The following EPB41L3 variants were observed in gnomAD, a reference collection of about 807,000 sequenced individuals.
EPB41L3 encodes erythrocyte membrane protein band 4.1 like 3.
A neutral mutation model predicts 127.1 loss-of-function variants in EPB41L3; 57 were observed. That is an observed-to-expected ratio of 0.45 (90% CI 0.36 to 0.56). The LOEUF is 0.56. Among genes scored for constraint, EPB41L3 ranks in the 20% least tolerant of loss-of-function variants. The pLI is 0.00. For missense variants in EPB41L3, 1,273 were observed against 1,372.2 expected, an observed-to-expected ratio of 0.93 and a Z score of 1.14; for synonymous variants, 572 against 549.5, an observed-to-expected ratio of 1.04 and a Z score of -0.57.
intron 5 of EPB41L3, 57 bp from the exon 6 acceptor site, chr18:5,438,167 C>A (rs1229711787): frequency 4.6e-6 from 7 of 1,530,840 alleles, no homozygotes; most frequent in South Asian, 1.2e-5. Flanking sequence ...TGACTCTAAT[C>A]GATGGCCAGA....
upstream of EPB41L3, chr18:5,544,334 C>T: frequency 1.0e-6 from 1 of 985,348 alleles, no homozygotes; most frequent in Non-Finnish European, 1.2e-6. Context: ...CCCTCCCAGA[C>T]ATCCCCTGTG....
intron 3 of EPB41L3, among the ~76,000 whole-genome samples, chr18:5,592,229 T>C (rs2094492579): frequency 6.6e-6 from 1 of 152,180 alleles, no homozygotes; most frequent in South Asian, 2.1e-4. Flanking sequence ...TGCAGTGGCA[T>C]GATCTTGGCT....
chr18:5,604,400 G>T (rs1181053246), intron 3 of EPB41L3, among the ~76,000 whole-genome samples: 2 of 151,454 alleles, frequency 1.3e-5, no homozygotes, highest in African/African-American at 4.9e-5. Flanking sequence ...AAATTTCAGG[G>T]GTCTTTAAAA....
intron 20 of EPB41L3, 63 bp from the exon 21 acceptor site, chr18:5,395,210 A>AG (rs1293325231): frequency 3.5e-5 from 49 of 1,404,788 alleles, no homozygotes; most frequent in Non-Finnish European, 5.0e-5. Context: ...ATGGTTCAGT[A>AG]GGGGGAAATG....
At chr18:5,513,078 G>A (rs1445232318) in intron 1 of EPB41L3, among the ~76,000 whole-genome samples, 1 of 152,172 alleles carries the variant, frequency 6.6e-6, no homozygotes, top group Non-Finnish European at 1.5e-5. Flanking sequence ...AGCTGCAGTC[G>A]TTTGTCATTC....
chr18:5,622,286 T>C (rs1004202354), intron 1 of EPB41L3, among the ~76,000 whole-genome samples: 22 of 152,342 alleles, frequency 1.4e-4, no homozygotes, highest in African/African-American at 4.8e-4. Flanking sequence ...CTGGTACACT[T>C]GTTTGGGCAC....
chr18:5,534,971 C>A (rs2093524923), intron 1 of EPB41L3, among the ~76,000 whole-genome samples: 1 of 152,114 alleles, frequency 6.6e-6, no homozygotes. Flanking sequence ...AACAAGGATT[C>A]CCCACCACTG....
At chr18:5,436,432 G>A (rs866109632) in intron 6 of EPB41L3, among the ~76,000 whole-genome samples, 195 of 121,534 alleles carry the variant, frequency 1.6e-3, no homozygotes, top group African/African-American at 5.4e-3. Flanking sequence ...TTTTTGAGAC[G>A]GAGTCTCACT....
At chr18:5,588,487 C>T (rs2094458778) in intron 3 of EPB41L3, among the ~76,000 whole-genome samples, 2 of 151,106 alleles carry the variant, frequency 1.3e-5, no homozygotes, top group Admixed American at 6.6e-5. Context: ...TATATATACA[C>T]ATAAATATGT....
At chr18:5,584,436 C>T (rs1054000496) in intron 3 of EPB41L3, among the ~76,000 whole-genome samples, 1 of 152,170 alleles carries the variant, frequency 6.6e-6, no homozygotes, top group African/African-American at 2.4e-5. Context: ...ATTAAGGAGA[C>T]AGTAAGCTTT....
At chr18:5,558,224 C>A (rs2094068939) in intron 3 of EPB41L3, among the ~76,000 whole-genome samples, 1 of 152,080 alleles carries the variant, frequency 6.6e-6, no homozygotes, top group Admixed American at 6.6e-5. Context: ...GACAACATTC[C>A]TTTGAATGAA....
In EPB41L3 at chr18:5,395,721, G is replaced by C. The variant is rs1295967095; in HGVS notation, c.2974-14C>G. 2 of 1,608,544 alleles carry C rather than the reference G, an allele frequency of 1.2e-6. No individual in the cohort carries two copies. The highest frequency in any genetic ancestry group is 1.7e-6 in the Non-Finnish European group (2 of 1,175,268). Reference sequence around the variant, plus strand: ...GCCTGGATCGACCTAAAGCAGCAGAGGCATAGACCCCTCATCCAGGTGCTC... The same window carrying C: ...GCCTGGATCGACCTAAAGCAGCAGACGCATAGACCCCTCATCCAGGTGCTC... On this transcript the variant is annotated splice_polypyrimidine_tract_variant and intron_variant, in intron 19 of 22. Coordinates refer to ENST00000341928, the MANE Select transcript of EPB41L3 (RefSeq NM_012307.5).
At chr18:5,398,737 G>C in intron 16 of EPB41L3, 1 of 399,416 alleles carries the variant, frequency 2.5e-6, no homozygotes. Flanking sequence ...CATTCGGACA[G>C]GCTCTTCCTT....
At chr18:5,622,015 A>C (rs1004235289) in intron 1 of EPB41L3, among the ~76,000 whole-genome samples, 4 of 152,180 alleles carry the variant, frequency 2.6e-5, no homozygotes, top group Admixed American at 6.5e-5. Context: ...ATTTTGCAGT[A>C]GGATTATCAG....
intron 1 of EPB41L3, among the ~76,000 whole-genome samples, chr18:5,622,019 T>G (rs2094868509): frequency 6.6e-6 from 1 of 152,176 alleles, no homozygotes; most frequent in Admixed American, 6.5e-5. Context: ...TGCAGTAGGA[T>G]TATCAGGTTT....
At chr18:5,624,260 G>T (rs926063030) in intron 1 of EPB41L3, among the ~76,000 whole-genome samples, 17 of 152,306 alleles carry the variant, frequency 1.1e-4, no homozygotes, top group African/African-American at 4.1e-4. Context: ...CTCTGAAATT[G>T]TTGGGATTAC....
At chr18:5,421,307 G>GA (rs112040797) in intron 11 of EPB41L3, among the ~76,000 whole-genome samples, 19,393 of 150,434 alleles carry the variant, frequency 0.13, 1,452 homozygotes, top group Non-Finnish European at 0.17. Context: ...TGATATTCAG[G>GA]AAAAAAAAAG....
intron 3 of EPB41L3, among the ~76,000 whole-genome samples, chr18:5,596,292 C>A (rs970740040): frequency 5.3e-5 from 8 of 152,174 alleles, no homozygotes; most frequent in Admixed American, 5.2e-4. Flanking sequence ...GGTCCTGGGG[C>A]CAAGGAATGG....
At chr18:5,582,936 C>T (rs1326595227) in intron 3 of EPB41L3, among the ~76,000 whole-genome samples, 1 of 152,176 alleles carries the variant, frequency 6.6e-6, no homozygotes. Context: ...CTGCAGACAT[C>T]ACTTCACAGC....
Sources: allele counts gnomAD v4.1 joint callset (sites outside exome capture counted in the v4.1 genomes callset), GRCh38; gene constraint gnomAD v4.1.1; transcripts MANE v1.5; gene names NCBI Gene and HGNC (gene_info 2026-07-23, HGNC 2026-07-21).